Variants in DNAH7 observed in about 807,000 individuals in gnomAD.
DNAH7 encodes the protein dynein axonemal heavy chain 7.
Under a neutral mutation model 444.6 loss-of-function variants are expected in DNAH7, and 397 were observed. The observed-to-expected ratio is 0.89, with a 90% confidence interval of 0.82 to 0.97. The LOEUF (loss-of-function observed/expected upper bound fraction) is 0.97. Ranked by LOEUF, DNAH7 falls within the 50% of genes least tolerant of loss-of-function variation. DNAH7 has a pLI of 0.00. For synonymous variants in DNAH7, 1,636 were observed against 1,624.4 expected, an observed-to-expected ratio of 1.01 and a Z score of -0.17; for missense variants, 4,902 against 4,800.8, an observed-to-expected ratio of 1.02 and a Z score of -0.62.
Position 195,801,257 on chromosome 2 carries a change from T to C in DNAH7, c.10177-1785A>G, listed in dbSNP as rs184443706. On this transcript the variant is annotated intron_variant, in intron 54 of 64. Coordinates refer to ENST00000312428, the MANE Select transcript of DNAH7 (RefSeq NM_018897.3). ...TTATCTAATTTCAATTTCTCGTCTA[T>C]TAACTACCAAAAGTACTTTTTTTCC... 2.9e-3 allele frequency among the ~76,000 whole-genome samples: 441 copies of C among 152,112 alleles called. 1 individual carries two copies. Among genetic ancestry groups the C allele is most frequent in the Non-Finnish European group, 5.4e-3 (370 of 67,982 alleles).
chr2:196,062,278 AC>A (rs1698172007), intron 1 of DNAH7, among the ~76,000 whole-genome samples: 2 of 152,220 alleles, frequency 1.3e-5, no homozygotes, highest in African/African-American at 4.8e-5. Context: ...TTTAGATTCT[AC>A]AGTCCATAGT....
At chr2:195,949,981 A>C (rs1478961866) in intron 19 of DNAH7, among the ~76,000 whole-genome samples, 1 of 152,120 alleles carries the variant, frequency 6.6e-6, no homozygotes, top group East Asian at 1.9e-4. Context: ...AAGCTTTTTG[A>C]TGTGCTGCTA....
At chr2:195,840,257 G>A (rs1303238700) in intron 47 of DNAH7, among the ~76,000 whole-genome samples, 2 of 151,658 alleles carry the variant, frequency 1.3e-5, no homozygotes, top group Non-Finnish European at 3.0e-5. Flanking sequence ...TAAAAAAACT[G>A]TAGGATCAAC....
At chr2:195,820,585 G>C (rs772837632) in intron 49 of DNAH7, among the ~76,000 whole-genome samples, 45 of 152,090 alleles carry the variant, frequency 3.0e-4, no homozygotes, top group Non-Finnish European at 5.6e-4. Flanking sequence ...TTTCCCTAAT[G>C]AAAGGAGGTT....
At chr2:195,858,127 G>A (rs900969432) in intron 43 of DNAH7, among the ~76,000 whole-genome samples, 1 of 152,106 alleles carries the variant, frequency 6.6e-6, no homozygotes, top group Non-Finnish European at 1.5e-5. Context: ...AATGACAAGT[G>A]TGTCTAAATA....
chr2:195,851,668 T>G (rs1699372407), intron 46 of DNAH7, among the ~76,000 whole-genome samples: 1 of 152,044 alleles, frequency 6.6e-6, no homozygotes, highest in African/African-American at 2.4e-5. Flanking sequence ...AGGGCCTGGT[T>G]GGGAGGATGG....
At chr2:195,961,557 C>T (rs1435098483) in intron 17 of DNAH7, among the ~76,000 whole-genome samples, 1 of 151,564 alleles carries the variant, frequency 6.6e-6, no homozygotes, top group East Asian at 2.1e-4. Flanking sequence ...CATGTTGTCA[C>T]AAATGACAGG....
At chr2:195,987,737 G>A (rs181508515) in intron 13 of DNAH7, among the ~76,000 whole-genome samples, 2 of 151,964 alleles carry the variant, frequency 1.3e-5, no homozygotes, top group Non-Finnish European at 2.9e-5. Context: ...TCAGAGTTGC[G>A]GTAGTAGAGT....
At chr2:196,051,971 G>C (rs754012898) in intron 2 of DNAH7, among the ~76,000 whole-genome samples, 1 of 152,126 alleles carries the variant, frequency 6.6e-6, no homozygotes, top group South Asian at 2.1e-4. Context: ...TAGTCTGTAC[G>C]TAAGTCCTGG....
At chr2:195,961,879 T>C (rs1472939251) in intron 17 of DNAH7, among the ~76,000 whole-genome samples, 2 of 152,050 alleles carry the variant, frequency 1.3e-5, no homozygotes. Context: ...AATATATACA[T>C]AGGTGAAAAT....
Position 195,794,194 on chromosome 2 carries a change from A to G in DNAH7, c.10716+144T>C. 5.9e-6 allele frequency: 4 copies of G among 674,830 alleles called. No homozygotes were observed. In the South Asian group the frequency reaches 7.5e-5, roughly 13 times the overall value. 41.8% of individuals were successfully genotyped at this position (674,830 alleles called of 1,614,324 possible). A position where few individuals can be genotyped will look rare whatever the true frequency, so the allele number is the denominator to read the frequency against. Reference sequence around the variant, plus strand: ...AACAAAATTGACTTCAGCACAGTCAATAATCAGTTATCAAAACCTACTGCA... The same window carrying G: ...AACAAAATTGACTTCAGCACAGTCAGTAATCAGTTATCAAAACCTACTGCA... On this transcript the variant is annotated intron_variant, in intron 57 of 64. Coordinates refer to ENST00000312428, the MANE Select transcript of DNAH7 (RefSeq NM_018897.3).
chr2:196,043,101 T>C (rs1239386890), intron 5 of DNAH7, among the ~76,000 whole-genome samples: 1 of 152,126 alleles, frequency 6.6e-6, no homozygotes, highest in Non-Finnish European at 1.5e-5. Flanking sequence ...CTTTTGTGAA[T>C]GACAAAAGTA....
intron 30 of DNAH7, 35 bp from the exon 31 acceptor site, chr2:195,891,839 G>T: frequency 6.7e-7 from 1 of 1,490,572 alleles, no homozygotes; most frequent in Admixed American, 2.1e-5. Context: ...TTTATGTAAA[G>T]AATACTGTCT....
At chr2:195,749,615 A>T (rs538543377) in intron 63 of DNAH7, among the ~76,000 whole-genome samples, 233 of 151,436 alleles carry the variant, frequency 1.5e-3, no homozygotes, top group Non-Finnish European at 3.1e-3. Context: ...GGATTAAGAA[A>T]ATGTGGCACA....
intron 29 of DNAH7, among the ~76,000 whole-genome samples, chr2:195,895,442 TTTTGG>T (rs1353873964): frequency 6.6e-6 from 1 of 152,162 alleles, no homozygotes; most frequent in African/African-American, 2.4e-5. Flanking sequence ...ACAGTTTTTG[TTTTGG>T]TTTGTTTTGT....
At chr2:195,924,014 AT>A (rs1220922573) in intron 22 of DNAH7, among the ~76,000 whole-genome samples, 1 of 152,094 alleles carries the variant, frequency 6.6e-6, no homozygotes, top group Non-Finnish European at 1.5e-5. Context: ...GATATATGTA[AT>A]TTGTGTCTAC....
At chr2:196,039,761 T>C (rs1415865432) in intron 5 of DNAH7, among the ~76,000 whole-genome samples, 6 of 147,980 alleles carry the variant, frequency 4.1e-5, no homozygotes, top group African/African-American at 1.5e-4. Context: ...GTTACATCAC[T>C]GTACTCAACA....
chr2:195,775,652 A>G (rs879280042), intron 60 of DNAH7, among the ~76,000 whole-genome samples, 194 bp downstream of exon 60: 2 of 151,998 alleles, frequency 1.3e-5, no homozygotes, highest in East Asian at 1.9e-4. Flanking sequence ...ATAGATGAAA[A>G]AAAAAAAAAA....
intron 2 of DNAH7, among the ~76,000 whole-genome samples, chr2:196,056,584 G>T (rs1015929775): frequency 1.3e-5 from 2 of 152,084 alleles, no homozygotes; most frequent in Non-Finnish European, 2.9e-5. Flanking sequence ...CACCAATACA[G>T]GATGAAAGAT....
Sources: allele counts gnomAD v4.1 joint callset (sites outside exome capture counted in the v4.1 genomes callset), GRCh38; gene constraint gnomAD v4.1.1; transcripts MANE v1.5; gene names NCBI Gene and HGNC (gene_info 2026-07-23, HGNC 2026-07-21).